The following PARP8 variants were observed in gnomAD, a reference collection of about 807,000 sequenced individuals.
The protein encoded by PARP8 is poly(ADP-ribose) polymerase family member 8.
Under a neutral mutation model 124.1 loss-of-function variants are expected in PARP8, and 51 were observed. The observed-to-expected ratio is 0.41, with a 90% CI of 0.33 to 0.52. The LOEUF is 0.52. Among genes scored for constraint, PARP8 ranks in the 20% least tolerant of loss-of-function variants. PARP8 has a pLI of 0.21. For synonymous variants in PARP8, 391 were observed against 361.5 expected (o/e 1.08, Z -0.93); for missense variants, 860 against 1,018.9 (o/e 0.84, Z 2.12).
chr5:50,777,492 A>T (rs1205478926), intron 7 of PARP8, among the ~76,000 whole-genome samples: 1 of 152,078 alleles, frequency 6.6e-6, no homozygotes, highest in Admixed American at 6.6e-5. Context: ...CCTGTGCTGT[A>T]CAAAAGTTGG....
intron 2 of PARP8, among the ~76,000 whole-genome samples, chr5:50,713,782 G>A (rs1202737438): frequency 6.6e-6 from 1 of 152,060 alleles, no homozygotes; most frequent in African/African-American, 2.4e-5. Flanking sequence ...AGGCAGGCGA[G>A]TCAGAGAAGG....
At chr5:50,734,850 A>G (rs1429320381) in intron 2 of PARP8, among the ~76,000 whole-genome samples, 1 of 152,128 alleles carries the variant, frequency 6.6e-6, no homozygotes, top group Non-Finnish European at 1.5e-5. Flanking sequence ...CATAGTGCCA[A>G]AATCAAGGAG....
chr5:50,795,456 C>A (rs1469479300), intron 12 of PARP8, 39 bp downstream of exon 12: 2 of 1,496,278 alleles, frequency 1.3e-6, no homozygotes, highest in African/African-American at 2.8e-5. Context: ...TAAATGTTAG[C>A]TAAGGTGCAG....
intron 18 of PARP8, among the ~76,000 whole-genome samples, chr5:50,826,078 T>C (rs1365458896): frequency 2.0e-5 from 3 of 152,156 alleles, no homozygotes; most frequent in African/African-American, 7.2e-5. Flanking sequence ...ATTGCATATA[T>C]CTAGTTGCTT....
At chr5:50,785,749 T>A (rs1741176225) in intron 9 of PARP8, among the ~76,000 whole-genome samples, 1 of 152,162 alleles carries the variant, frequency 6.6e-6, no homozygotes, top group Admixed American at 6.6e-5. Flanking sequence ...TGATGGAGCA[T>A]TTGTGTCCCA....
chr5:50,846,043 T>G lies in PARP8; in HGVS notation c.*3975T>G, dbSNP rs1408250310. On this transcript the variant is annotated 3_prime_UTR_variant, in exon 26 of 26. Coordinates refer to ENST00000281631, the MANE Select transcript of PARP8 (RefSeq NM_024615.4). ...ATATCCATGAGTGTGAAAAAAGCTG[T>G]GTTGACGAATAGATTACATTTCACA... 4.0e-5 allele frequency: 6 copies of G among 151,818 alleles called. No homozygotes were observed. The highest frequency in any genetic ancestry group is 3.3e-4 in the Admixed American group (5 of 15,180). 9.4% of individuals were successfully genotyped at this position (151,818 alleles called of 1,614,324 possible).
intron 23 of PARP8, 128 bp from the exon 24 acceptor site, chr5:50,833,851 C>A: frequency 1.6e-6 from 1 of 620,750 alleles, no homozygotes; most frequent in South Asian, 2.0e-5. Context: ...GAAATTGATG[C>A]TAGTCTAGAT....
intron 2 of PARP8, among the ~76,000 whole-genome samples, chr5:50,699,814 C>A (rs1341684870): frequency 6.6e-6 from 1 of 151,942 alleles, no homozygotes; most frequent in Non-Finnish European, 1.5e-5. Flanking sequence ...GGACTATGGA[C>A]CATATTTTGA....
chr5:50,690,078 A>G (rs1450702947), intron 2 of PARP8, among the ~76,000 whole-genome samples: 1 of 152,220 alleles, frequency 6.6e-6, no homozygotes, highest in Non-Finnish European at 1.5e-5. Flanking sequence ...CAACATAGGA[A>G]ACAAACCAGT....
chr5:50,802,347 T>C (rs1341380251), intron 14 of PARP8, among the ~76,000 whole-genome samples: 2 of 152,162 alleles, frequency 1.3e-5, no homozygotes, highest in African/African-American at 4.8e-5. Context: ...CAGATCTTGC[T>C]CTGTCCTCTA....
chr5:50,693,686 T>G (rs1175371161), intron 2 of PARP8, among the ~76,000 whole-genome samples: 1 of 151,638 alleles, frequency 6.6e-6, no homozygotes, highest in East Asian at 1.9e-4. Context: ...GTAAATTAAA[T>G]TATGTAAATT....
intron 2 of PARP8, among the ~76,000 whole-genome samples, chr5:50,726,418 A>G (rs1756435517): frequency 6.6e-6 from 1 of 152,144 alleles, no homozygotes; most frequent in South Asian, 2.1e-4. Context: ...ATATGTTTTT[A>G]TTGATAGGAG....
At chr5:50,821,077 T>G (rs1372983585) in intron 15 of PARP8, 136 bp from the exon 16 acceptor site, 4 of 963,420 alleles carry the variant, frequency 4.2e-6, no homozygotes, top group Non-Finnish European at 4.7e-6. Context: ...GTCTCAAGTC[T>G]TGCATTACAC....
intron 2 of PARP8, among the ~76,000 whole-genome samples, chr5:50,748,416 A>C (rs1322306372): frequency 6.6e-6 from 1 of 152,136 alleles, no homozygotes; most frequent in Non-Finnish European, 1.5e-5. Flanking sequence ...TAACAGTCGA[A>C]TGTATTTTTA....
At position 50,827,856 on chromosome 5, in the gene PARP8, T is replaced by A. The variant is rs1036625299; in HGVS notation, c.1978-88T>A. On this transcript the variant is annotated intron_variant, in intron 19 of 25. Transcript: ENST00000281631. The stretch of plus-strand genomic sequence containing the variant: ...TTACTATAGTTTGAAAGTGGGTAAT[T>A]CTTAAACCAATAAAATTTGAAATTG... The A allele has an allele frequency of 4.1e-6, 4 of 976,082 alleles. No homozygotes were observed. The African/African-American group carries it at 6.5e-5, about 16-fold the overall frequency. 60.5% of individuals were successfully genotyped at this position (976,082 alleles called of 1,614,324 possible).
chr5:50,750,502 G>C (rs1372519836), intron 3 of PARP8, among the ~76,000 whole-genome samples: 1 of 151,954 alleles, frequency 6.6e-6, no homozygotes, highest in African/African-American at 2.4e-5. Context: ...AACATCATTT[G>C]GCCTTTCATA....
intron 7 of PARP8, among the ~76,000 whole-genome samples, chr5:50,767,120 C>T (rs935631994): frequency 7.9e-5 from 12 of 152,240 alleles, no homozygotes; most frequent in South Asian, 4.1e-4. Context: ...AGCTCTGCTT[C>T]CTTGGGCCCC....
intron 3 of PARP8, among the ~76,000 whole-genome samples, chr5:50,754,148 T>TAC (rs1408563437): frequency 0.014 from 322 of 22,340 alleles, 4 homozygotes; most frequent in Middle Eastern, 0.036. Flanking sequence ...TATATATATA[T>TAC]ATACACACAC....
rs1748407754 is a variant in PARP8 at position 50,843,819 on chromosome 5, T to C, written c.*1751T>C. On this transcript the variant is annotated 3_prime_UTR_variant, in exon 26 of 26. Coordinates refer to ENST00000281631, the MANE Select transcript of PARP8 (RefSeq NM_024615.4). ...TCACTTCAACTGTGTTTTTAAAACATGTTTAAGCAACAGAATTATTTTTTT... is the reference window on the plus strand; with the variant it reads ...TCACTTCAACTGTGTTTTTAAAACACGTTTAAGCAACAGAATTATTTTTTT... 6.6e-6 allele frequency: 1 copy of C among 151,836 alleles called. No homozygotes were observed. The highest frequency in any genetic ancestry group is 2.4e-5 in the African/African-American group (1 of 41,408). 9.4% of individuals were successfully genotyped at this position (151,836 alleles called of 1,614,324 possible).
Sources: allele counts gnomAD v4.1 joint callset (sites outside exome capture counted in the v4.1 genomes callset), GRCh38; gene constraint gnomAD v4.1.1; transcripts MANE v1.5; gene names NCBI Gene and HGNC (gene_info 2026-07-23, HGNC 2026-07-21).